Variants in SLC26A11 observed in about 807,000 individuals in gnomAD.
SLC26A11 encodes the protein sodium-independent sulfate anion transporter.
Under a neutral mutation model 62.2 loss-of-function variants are expected in SLC26A11, and 58 were observed. The ratio of observed to expected loss-of-function variants is 0.93; its 90% CI spans 0.76 to 1.16. The LOEUF is 1.16. SLC26A11 is among the 50% of genes most tolerant of loss of function. The pLI, the probability that SLC26A11 is intolerant of heterozygous loss-of-function variation, is 0.00. For missense variants in SLC26A11, 790 were observed against 794.3 expected (o/e 0.99, Z 0.06); for synonymous variants, 411 against 368.9 (o/e 1.11, Z -1.31).
Position 80,223,736 on chromosome 17 carries a change from C to T in SLC26A11, c.513+399C>T, listed in dbSNP as rs2042289740. 1.3e-5 allele frequency among the ~76,000 whole-genome samples: 2 copies of T among 152,050 alleles called. No homozygotes were observed. The highest frequency in any genetic ancestry group is 4.1e-4 in the South Asian group (2 of 4,834). ...TCTATAGGCAAATTATTTCCCCATGCCAATTTAGTTAGATGGTTTTGTTTT... is the reference window on the plus strand; with the variant it reads ...TCTATAGGCAAATTATTTCCCCATGTCAATTTAGTTAGATGGTTTTGTTTT... On this transcript the variant is annotated intron_variant, in intron 5 of 17. Transcript: ENST00000361193. The surrounding 1 kb of genome is among the most constrained non-coding windows in gnomAD (Gnocchi z 4.6).
rs1187756278 is a variant in SLC26A11, at chr17:80,237,553, T to C, written c.944T>C (p.Leu315Pro). 3 of 1,611,874 alleles carry C rather than the reference T, an allele frequency of 1.9e-6. No homozygotes were observed. Among genetic ancestry groups the C allele is most frequent in the African/African-American group, 2.7e-5 (2 of 74,926 alleles). The change falls in exon 9 of 18, where the codon CTG (leucine) becomes CCG (proline). Residue 315 changes from leucine to proline, a missense_variant. Physicochemically the swap from Leu to Pro is moderately conservative, Grantham distance 98. Transcript: ENST00000361193. ...GGAGCCGGGCTGGCCGTGGTGCCCC[T>C]GATGGGCCTCCTGGAGAGCATTGCG... ...DMGAGLAVVP[L>P]MGLLESIAVA...
chr17:80,228,835 C>A lies in SLC26A11; in HGVS notation c.736+875C>A, dbSNP rs2042486410. Among the ~76,000 whole-genome samples, 1 of 152,208 alleles carries A rather than the reference C, an allele frequency of 6.6e-6. No individual in the cohort carries two copies. The highest frequency in any genetic ancestry group is 2.1e-4 in the South Asian group (1 of 4,830). On this transcript the variant is annotated intron_variant, in intron 7 of 17. Transcript: ENST00000361193. The surrounding 1 kb of genome is among the most constrained non-coding windows in gnomAD (Gnocchi z 4.1). ...ACAACTTCAGCTTCAGGCGCGGAGG[C>A]TGCAGGCTGAGCCACAACCAACCAG...
intron 2 of SLC26A11, 132 bp downstream of exon 2, chr17:80,221,247 A>C (rs1256576446): frequency 5.5e-6 from 2 of 363,620 alleles, no homozygotes; most frequent in Non-Finnish European, 9.8e-6. Context: ...CAGACTTCTC[A>C]ATGAGGAATC....
chr17:80,241,762 T>A lies in SLC26A11; in HGVS notation c.986-9T>A, dbSNP rs758184491. On this transcript the variant is annotated splice_polypyrimidine_tract_variant and intron_variant, in intron 9 of 17. Transcript: ENST00000361193. ...TACTGACCAGGTCTTTACCGTTGGT[T>A]CCCTTTAGCATCTCAGAATAATTAC... 2 of 1,614,202 alleles carry A rather than the reference T, an allele frequency of 1.2e-6. No individual in the cohort carries two copies. The highest frequency in any genetic ancestry group is 1.7e-6 in the Non-Finnish European group (2 of 1,180,014).
intron 9 of SLC26A11, among the ~76,000 whole-genome samples, chr17:80,239,917 T>C (rs79753074): frequency 6.6e-6 from 1 of 152,238 alleles, no homozygotes; most frequent in Non-Finnish European, 1.5e-5. Context: ...TAAAGTCAGT[T>C]GGAGCGTGGC....
At chr17:80,232,678 T>C (rs1012167907) in intron 7 of SLC26A11, among the ~76,000 whole-genome samples, 1 of 152,252 alleles carries the variant, frequency 6.6e-6, no homozygotes, top group Non-Finnish European at 1.5e-5. Context: ...ATGCCATTTA[T>C]ATTTAATGTG....
Position 80,227,708 on chromosome 17 carries a change from C to T in SLC26A11, c.594-110C>T, listed in dbSNP as rs572078855. On this transcript the variant is annotated intron_variant, in intron 6 of 17. Coordinates refer to ENST00000361193, the MANE Select transcript of SLC26A11 (RefSeq NM_001166347.2). ...TGGGACCAGCAGCCTGGGCATTGGG[C>T]CTCCCTGGGAGCTTCTTAGTGCCTC... is the stretch of plus-strand genomic sequence containing the variant. The T allele has an allele frequency of 5.4e-6, 8 of 1,469,426 alleles. No homozygotes were observed. In the South Asian group the frequency reaches 9.3e-5, roughly 17 times the overall value. 91.0% of individuals were successfully genotyped at this position (1,469,426 alleles called of 1,614,324 possible).
chr17:80,243,394 CTTATTA>C (rs762787454), intron 10 of SLC26A11, among the ~76,000 whole-genome samples: 2 of 151,694 alleles, frequency 1.3e-5, no homozygotes, highest in Non-Finnish European at 2.9e-5. Flanking sequence ...CATTACTTTA[CTTATTA>C]TTATTATTAT....
At chr17:80,239,538 C>T (rs528192807) in intron 9 of SLC26A11, among the ~76,000 whole-genome samples, 4 of 152,118 alleles carry the variant, frequency 2.6e-5, no homozygotes, top group East Asian at 1.9e-4. Context: ...TACAGGCGTC[C>T]GCCACCACGC....
intron 6 of SLC26A11, 94 bp from the exon 7 acceptor site, chr17:80,227,724 T>C (rs927596892): frequency 1.5e-5 from 23 of 1,521,258 alleles, no homozygotes; most frequent in Non-Finnish European, 2.0e-5. Context: ...TGGGAGCTTC[T>C]TAGTGCCTCT....
chr17:80,248,509 G>A, intron 14 of SLC26A11, 66 bp from the exon 15 acceptor site: 1 of 1,491,672 alleles, frequency 6.7e-7, no homozygotes, highest in South Asian at 1.2e-5. Flanking sequence ...TTCCCGCTTG[G>A]GACAGGCCAA....
chr17:80,221,716 C>T lies in SLC26A11; in HGVS notation c.156C>T (p.Phe52=), dbSNP rs2042205914. ...SYSLQWLKMD[F]VAGLSVGLTA... ...CCCTGCAGTGGCTGAAGATGGATTT[C>T]GTCGCCGGCCTCTCAGTTGGCCTCA... The change falls in exon 3 of 18, where the codon TTC becomes TTT. Residue 52 remains phenylalanine, a synonymous_variant. Coordinates refer to ENST00000361193, the MANE Select transcript of SLC26A11 (RefSeq NM_001166347.2). The T allele has an allele frequency of 3.7e-6, 6 of 1,613,700 alleles. No individual in the cohort carries two copies. The highest frequency in any genetic ancestry group is 1.3e-5 in the African/African-American group (1 of 75,048).
chr17:80,221,872 G>T, intron 3 of SLC26A11, 78 bp downstream of exon 3: 3 of 1,392,204 alleles, frequency 2.2e-6, no homozygotes, highest in South Asian at 2.7e-5. Flanking sequence ...GACACCATCA[G>T]CGATTCCAGG....
intron 10 of SLC26A11, among the ~76,000 whole-genome samples, chr17:80,242,536 G>T (rs10871505): frequency 6.6e-6 from 1 of 151,994 alleles, no homozygotes; most frequent in Non-Finnish European, 1.5e-5. Context: ...GATTGTGCCC[G>T]CACCCTGCCC....
At chr17:80,239,727 C>T (rs1008195317) in intron 9 of SLC26A11, among the ~76,000 whole-genome samples, 3 of 151,984 alleles carry the variant, frequency 2.0e-5, no homozygotes, top group Admixed American at 2.0e-4. Flanking sequence ...CCAGGCTGAC[C>T]TCAAACTCCT....
intron 7 of SLC26A11, among the ~76,000 whole-genome samples, chr17:80,231,603 G>C (rs2144906277): frequency 6.6e-6 from 1 of 152,278 alleles, no homozygotes; most frequent in Admixed American, 6.5e-5. Context: ...TATATATGCT[G>C]TTCTTTAATT....
rs773193498 is a variant in SLC26A11 at position 80,248,210 on chromosome 17, G to T, written c.1375G>T (p.Val459Leu). The T allele has an allele frequency of 6.2e-7, 1 of 1,609,810 alleles. No homozygotes were observed. The highest frequency in any genetic ancestry group is 8.5e-7 in the Non-Finnish European group (1 of 1,179,624). The part of the protein sequence containing the change: ...VQYGILAGAL[V>L]SLLMLLHSAA... ...GTACGGCATCCTGGCCGGGGCCCTGGTGTCTCTGCTCATGCTCCTGCACTC... is the reference window on the plus strand; with the variant it reads ...GTACGGCATCCTGGCCGGGGCCCTGTTGTCTCTGCTCATGCTCCTGCACTC... Residue 459 changes from valine (V) to leucine (L), a missense_variant, in exon 14 of 18, where the codon GTG becomes TTG. Val to Leu is a conservative substitution (Grantham distance 32, BLOSUM62 1). Coordinates refer to ENST00000361193, the MANE Select transcript of SLC26A11 (RefSeq NM_001166347.2).
At chr17:80,238,478 C>T (rs895049101) in intron 9 of SLC26A11, among the ~76,000 whole-genome samples, 1 of 152,194 alleles carries the variant, frequency 6.6e-6, no homozygotes, top group Admixed American at 6.5e-5. Flanking sequence ...GCCAGCCCCT[C>T]CTCGCCCCCA....
intron 5 of SLC26A11, among the ~76,000 whole-genome samples, chr17:80,224,998 C>T (rs1161044039): frequency 1.3e-5 from 2 of 152,048 alleles, no homozygotes; most frequent in Non-Finnish European, 2.9e-5. Context: ...CCATGGGATC[C>T]AGGGCCTCAA....
Sources: allele counts gnomAD v4.1 joint callset (sites outside exome capture counted in the v4.1 genomes callset), GRCh38; gene constraint gnomAD v4.1.1; non-coding constraint Gnocchi (gnomAD v3.1); transcripts MANE v1.5; gene names NCBI Gene and HGNC (gene_info 2026-07-23, HGNC 2026-07-21).